The following TRAM2 variants were observed in gnomAD, a reference collection of about 807,000 sequenced individuals.
TRAM2 encodes the protein translocating chain-associated membrane protein 2.
In TRAM2, 12 loss-of-function variants were observed where a neutral mutation model predicts 51.0. The observed-to-expected ratio is 0.24, with a 90% CI of 0.15 to 0.38. TRAM2 has a LOEUF of 0.38. Ranked by LOEUF, TRAM2 falls within the 10% of genes least tolerant of loss-of-function variation. TRAM2 has a pLI of 1.00. For synonymous variants in TRAM2, 175 were observed against 179.4 expected, an observed-to-expected ratio of 0.98 and a Z score of 0.20; for missense variants, 361 against 462.0, an observed-to-expected ratio of 0.78 and a Z score of 2.00.
rs1766150594 is a variant in TRAM2 at position 52,499,059 on chromosome 6, C to G, written c.*4138G>C. The G allele has an allele frequency of 6.6e-6, 1 of 152,226 alleles. No individual in the cohort carries two copies. The highest frequency in any genetic ancestry group is 1.5e-5 in the Non-Finnish European group (1 of 68,040). The allele number at this position is 152,226 out of a possible 1,614,324, so 9.4% of individuals were successfully genotyped here. On this transcript the variant is annotated 3_prime_UTR_variant, in exon 11 of 11. Coordinates refer to ENST00000182527, the MANE Select transcript of TRAM2 (RefSeq NM_012288.4). ...GCTTTCACTGGGGAGAACTGGTCTT[C>G]AGCCTTTGCAAGGTGGAGCTAACAC...
At chr6:52,555,370 A>G (rs935353099) in intron 1 of TRAM2, among the ~76,000 whole-genome samples, 6 of 152,086 alleles carry the variant, frequency 3.9e-5, no homozygotes, top group African/African-American at 1.4e-4. Flanking sequence ...CCACTTTAAC[A>G]TTGCCTTTTT....
chr6:52,576,702 G>A (rs1166711307), intron 1 of TRAM2, 94 bp downstream of exon 1: 66 of 1,491,426 alleles, frequency 4.4e-5, no homozygotes, highest in Admixed American at 4.2e-5. Context: ...AGGAGCCTCC[G>A]ATCAGAGGAG....
intron 7 of TRAM2, among the ~76,000 whole-genome samples, chr6:52,506,677 C>T (rs1298337267): frequency 6.6e-6 from 1 of 152,184 alleles, no homozygotes; most frequent in Non-Finnish European, 1.5e-5. Context: ...GCATGTGACA[C>T]ATGACCATCC....
intron 1 of TRAM2, among the ~76,000 whole-genome samples, chr6:52,576,331 G>A (rs1325319750): frequency 2.0e-5 from 3 of 152,200 alleles, no homozygotes; most frequent in Admixed American, 6.5e-5. Context: ...CACATAGGAA[G>A]TGGAAAAGGT....
chr6:52,503,209 G>C lies in TRAM2; in HGVS notation c.1101C>G (p.Leu367=), dbSNP rs143761655. Reference sequence around the variant, plus strand: ...TAGCACTTTGGCCTTAGGGAGACTTGAGTTTCTTAGTCCGTGGGGAGGTTC... The same window carrying C: ...TAGCACTTTGGCCTTAGGGAGACTTCAGTTTCTTAGTCCGTGGGGAGGTTC... ...ENGTSPRTKK[L]KSP Residue 367 remains leucine (L), a synonymous_variant, in exon 11 of 11, where the codon CTC becomes CTG. Coordinates refer to ENST00000182527, the MANE Select transcript of TRAM2 (RefSeq NM_012288.4). The C allele has an allele frequency of 5.6e-6, 9 of 1,613,672 alleles. No individual in the cohort carries two copies. The African/African-American group carries it at 1.2e-4, about 22-fold the overall frequency.
At chr6:52,523,078 A>C (rs754888022) in intron 2 of TRAM2, 5 of 539,588 alleles carry the variant, frequency 9.3e-6, no homozygotes, top group Non-Finnish European at 1.6e-5. Flanking sequence ...TCTGAAAGCT[A>C]GTTGTTTAAA....
intron 1 of TRAM2, among the ~76,000 whole-genome samples, chr6:52,554,456 G>A (rs1767365520): frequency 2.0e-5 from 3 of 148,474 alleles, no homozygotes; most frequent in Admixed American, 6.8e-5. Flanking sequence ...GGAGGCAGAG[G>A]TTGCAGTGAG....
intron 2 of TRAM2, among the ~76,000 whole-genome samples, chr6:52,519,291 A>G (rs564445798): frequency 6.6e-6 from 1 of 152,322 alleles, no homozygotes; most frequent in African/African-American, 2.4e-5. Flanking sequence ...AAAACCAAAC[A>G]ACCTGATTCT....
intron 1 of TRAM2, among the ~76,000 whole-genome samples, chr6:52,565,805 G>A (rs112441358): frequency 0.051 from 7,747 of 152,242 alleles, 285 homozygotes; most frequent in Non-Finnish European, 0.077. Context: ...CATACAGGCT[G>A]TGCCTACTTC....
chr6:52,522,982 G>T (rs564729498), intron 2 of TRAM2: 13 of 696,522 alleles, frequency 1.9e-5, no homozygotes, highest in African/African-American at 7.0e-5. Flanking sequence ...ACCTGAGCTG[G>T]TGTCCACTTC....
chr6:52,539,638 G>A (rs545603195), intron 1 of TRAM2, among the ~76,000 whole-genome samples: 50 of 152,090 alleles, frequency 3.3e-4, no homozygotes, highest in Non-Finnish European at 1.3e-4. Flanking sequence ...CTGTAGGAGC[G>A]TGGGGATCTG....
intron 1 of TRAM2, among the ~76,000 whole-genome samples, chr6:52,548,015 G>T (rs766949577): frequency 1.3e-5 from 2 of 152,248 alleles, no homozygotes; most frequent in Non-Finnish European, 2.9e-5. Context: ...TTATGTTCAT[G>T]TGCACAAAGC....
At position 52,502,542 on chromosome 6, in the gene TRAM2, A is replaced by G. The variant is rs2114056341; in HGVS notation, c.*655T>C. On this transcript the variant is annotated 3_prime_UTR_variant, in exon 11 of 11. Coordinates refer to ENST00000182527, the MANE Select transcript of TRAM2 (RefSeq NM_012288.4). ...AACCGAGTTCACACCATCCTTCTGG[A>G]TTGAGTTGTCACGTCCCAAAGCCAA... is the stretch of plus-strand genomic sequence containing the variant. 6.6e-6 allele frequency: 1 copy of G among 152,400 alleles called. No homozygotes were observed. The highest frequency in any genetic ancestry group is 2.4e-5 in the African/African-American group (1 of 41,582). 9.4% of individuals were successfully genotyped at this position (152,400 alleles called of 1,614,324 possible).
intron 5 of TRAM2, 144 bp from the exon 6 acceptor site, chr6:52,508,462 G>T (rs1489278114): frequency 6.8e-6 from 5 of 739,306 alleles, no homozygotes; most frequent in Non-Finnish European, 1.1e-5. Flanking sequence ...GCCAGTGACC[G>T]CCGCACCCTG....
At chr6:52,512,502 C>T (rs1480608124) in intron 4 of TRAM2, among the ~76,000 whole-genome samples, 1 of 152,176 alleles carries the variant, frequency 6.6e-6, no homozygotes, top group East Asian at 1.9e-4. Flanking sequence ...GGCTGGGGCA[C>T]CCTCTGAGCT....
chr6:52,540,695 G>A (rs1342288541), intron 1 of TRAM2, among the ~76,000 whole-genome samples: 1 of 152,190 alleles, frequency 6.6e-6, no homozygotes, highest in Non-Finnish European at 1.5e-5. Context: ...AGTTCCTGTA[G>A]CACACAGGGC....
At chr6:52,550,824 C>T (rs1767295835) in intron 1 of TRAM2, among the ~76,000 whole-genome samples, 2 of 142,366 alleles carry the variant, frequency 1.4e-5, no homozygotes, top group Non-Finnish European at 3.2e-5. Context: ...CTGCCTTGGC[C>T]TCCCAAAGTG....
At position 52,502,120 on chromosome 6, in the gene TRAM2, G is replaced by C. The variant is rs920664862; in HGVS notation, c.*1077C>G. On this transcript the variant is annotated 3_prime_UTR_variant, in exon 11 of 11. Transcript: ENST00000182527. ...AACAGCGGTCCAAGTGACCCTCCCT[G>C]AACACCAAGGGACCAGCATGGGGCT... 6.6e-6 allele frequency: 1 copy of C among 152,300 alleles called. No individual in the cohort carries two copies. Among genetic ancestry groups the C allele is most frequent in the Non-Finnish European group, 1.5e-5 (1 of 68,088 alleles). The allele number at this position is 152,300 out of a possible 1,614,324, so 9.4% of individuals were successfully genotyped here. A position where few individuals can be genotyped will look rare whatever the true frequency, so the allele number is the denominator to read the frequency against.
chr6:52,549,115 G>A (rs995464228), intron 1 of TRAM2, among the ~76,000 whole-genome samples: 2 of 152,180 alleles, frequency 1.3e-5, no homozygotes, highest in African/African-American at 4.8e-5. Flanking sequence ...CGGCTTTACG[G>A]GGGCTGTCCA....
Sources: gnomAD v4.1 joint callset for allele counts (sites outside exome capture counted in the v4.1 genomes callset) on GRCh38, gnomAD v4.1.1 for gene constraint, MANE v1.5 for transcripts, NCBI Gene and HGNC (gene_info 2026-07-23, HGNC 2026-07-21) for gene names.